RMND1: variants seen among roughly 807,000 people sequenced by gnomAD.
RMND1 encodes the protein required for meiotic nuclear division protein 1 homolog.
In RMND1, 41 loss-of-function variants were observed where a neutral mutation model predicts 54.0. That is an observed-to-expected ratio of 0.76 (90% CI 0.59 to 0.98). RMND1 has a LOEUF of 0.98. RMND1 is among the 50% of genes least tolerant of loss of function. The pLI, the probability that RMND1 is intolerant of heterozygous loss-of-function variation, is 0.00. For synonymous variants in RMND1, 183 were observed against 181.7 expected (o/e 1.01, Z -0.06); for missense variants, 457 against 532.0 (o/e 0.86, Z 1.39).
At chr6:151,408,269 C>T (rs890004903) in intron 10 of RMND1, among the ~76,000 whole-genome samples, 2 of 152,090 alleles carry the variant, frequency 1.3e-5, no homozygotes, top group Admixed American at 6.6e-5. Context: ...CCAAGGCAGG[C>T]GGATCACTTG....
intron 2 of RMND1, among the ~76,000 whole-genome samples, chr6:151,438,840 C>T (rs2114962190): frequency 6.6e-6 from 1 of 151,752 alleles, no homozygotes; most frequent in Non-Finnish European, 1.5e-5. Context: ...TTGGCAAGGC[C>T]CAATGACTCA....
rs1446239919 is a variant in RMND1 at position 151,433,211 on chromosome 6, CA to C, written c.632del (p.Val211GlyfsTer29). 14 of 1,611,652 alleles carry C rather than the reference CA, an allele frequency of 8.7e-6. No homozygotes were observed. The highest frequency in any genetic ancestry group is 1.2e-5 in the Non-Finnish European group (14 of 1,178,720). On this transcript the variant is annotated frameshift_variant, in exon 4 of 12. Transcript: ENST00000444024. LOFTEE classifies it high-confidence loss of function. ...CTTTTGCAGAATTTTCCACACCCATCACCAAAATATTTGCTGCATCTGTGAT... is the reference window on the plus strand; with the variant it reads ...CTTTTGCAGAATTTTCCACACCCATCCCAAAATATTTGCTGCATCTGTGAT... ...SLPRDAANILVMGVENSAKEG... is the reference protein window; with the variant it reads ...SLPRDAANILXMGVENSAKEG...
intron 11 of RMND1, 113 bp downstream of exon 11, chr6:151,405,605 CAA>C: frequency 1.5e-6 from 1 of 646,918 alleles, no homozygotes; most frequent in Admixed American, 2.6e-5. Context: ...GTAATGATAA[CAA>C]AGTCAGCCTC....
chr6:151,439,702 C>G (rs1780715369), intron 2 of RMND1, among the ~76,000 whole-genome samples: 1 of 152,148 alleles, frequency 6.6e-6, no homozygotes, highest in African/African-American at 2.4e-5. Context: ...TCTTGTTGCC[C>G]AGGCTGGAGT....
chr6:151,446,509 C>T (rs1379659716), intron 1 of RMND1, among the ~76,000 whole-genome samples: 1 of 151,922 alleles, frequency 6.6e-6, no homozygotes, highest in Non-Finnish European at 1.5e-5. Context: ...TGGGGCTGGG[C>T]ATGGGAGTGC....
intron 4 of RMND1, 59 bp downstream of exon 4, chr6:151,433,096 G>T: frequency 1.9e-6 from 2 of 1,038,512 alleles, no homozygotes; most frequent in South Asian, 1.4e-5. Flanking sequence ...CACCTTTAAA[G>T]ACCACAATTA....
intron 1 of RMND1, among the ~76,000 whole-genome samples, chr6:151,447,181 A>G (rs1036523909): frequency 6.6e-6 from 1 of 152,210 alleles, no homozygotes; most frequent in African/African-American, 2.4e-5. Context: ...TCGGGGAGGT[A>G]GGAGTGAGCT....
At chr6:151,438,438 T>C (rs763646196) in intron 2 of RMND1, among the ~76,000 whole-genome samples, 13 of 152,210 alleles carry the variant, frequency 8.5e-5, no homozygotes, top group Non-Finnish European at 1.6e-4. Flanking sequence ...GGTCACAAGC[T>C]AGTCCACTGA....
At chr6:151,414,744 CAG>C (rs1457590334) in intron 10 of RMND1, among the ~76,000 whole-genome samples, 1 of 152,030 alleles carries the variant, frequency 6.6e-6, no homozygotes, top group Non-Finnish European at 1.5e-5. Flanking sequence ...CCAATCTTAA[CAG>C]AGACAAAATA....
rs1781224801 is a variant in RMND1, at chr6:151,452,114, C to T, written c.-113G>A. Reference sequence around the variant, plus strand: ...ACCCCCAGCCTCTCACTACTGCAGCCAACCCATCTCCTGGAAGGGCGCTCC... The same window carrying T: ...ACCCCCAGCCTCTCACTACTGCAGCTAACCCATCTCCTGGAAGGGCGCTCC... On this transcript the variant is annotated 5_prime_UTR_variant, in exon 1 of 12. The change creates a premature stop within an existing upstream ORF in the 5' untranslated region. Coordinates refer to ENST00000444024, the MANE Select transcript of RMND1 (RefSeq NM_017909.4). 1 of 197,558 alleles carries T rather than the reference C, an allele frequency of 5.1e-6. No homozygotes were observed. The highest frequency in any genetic ancestry group is 1.1e-5 in the Non-Finnish European group (1 of 94,972). 12.2% of individuals were successfully genotyped at this position (197,558 alleles called of 1,614,324 possible).
At chr6:151,410,287 C>T (rs1291698440) in intron 10 of RMND1, among the ~76,000 whole-genome samples, 2 of 152,120 alleles carry the variant, frequency 1.3e-5, no homozygotes, top group Non-Finnish European at 2.9e-5. Context: ...GATCTCCTGA[C>T]CTTGTGATCC....
chr6:151,437,080 T>A (rs1248129235), intron 2 of RMND1, among the ~76,000 whole-genome samples: 2 of 152,378 alleles, frequency 1.3e-5, no homozygotes, highest in East Asian at 3.9e-4. Flanking sequence ...AGCATGTGTC[T>A]TGGTTTGGTT....
intron 1 of RMND1, among the ~76,000 whole-genome samples, chr6:151,450,065 C>G (rs934564803): frequency 6.6e-6 from 1 of 152,104 alleles, no homozygotes; most frequent in Non-Finnish European, 1.5e-5. Flanking sequence ...TCTGCCTGGC[C>G]CCCCATCGTC....
At chr6:151,442,900 G>C (rs1474003614) in intron 2 of RMND1, among the ~76,000 whole-genome samples, 1 of 152,106 alleles carries the variant, frequency 6.6e-6, no homozygotes, top group Non-Finnish European at 1.5e-5. Context: ...TATGATCTCT[G>C]AAAATGAGAC....
intron 2 of RMND1, among the ~76,000 whole-genome samples, chr6:151,440,699 T>C (rs1220857738): frequency 6.6e-6 from 1 of 152,264 alleles, no homozygotes; most frequent in East Asian, 1.9e-4. Context: ...GAGTCTTAGT[T>C]GTGGGTTTCT....
intron 2 of RMND1, among the ~76,000 whole-genome samples, chr6:151,441,841 CCT>C (rs1780784543): frequency 6.6e-6 from 1 of 152,070 alleles, no homozygotes. Context: ...AAAATGATTC[CCT>C]GAGTTCTGTG....
intron 10 of RMND1, among the ~76,000 whole-genome samples, chr6:151,415,039 TA>T (rs1427178553): frequency 7.0e-6 from 1 of 142,802 alleles, no homozygotes; most frequent in Non-Finnish European, 1.5e-5. Flanking sequence ...AATGGCTAAA[TA>T]AAGTTCTTGA....
chr6:151,420,539 A>G (rs1488966258), intron 9 of RMND1, among the ~76,000 whole-genome samples: 9 of 152,144 alleles, frequency 5.9e-5, no homozygotes, highest in Admixed American at 3.3e-4. Context: ...AAGAATAATA[A>G]AAGCTGAAAA....
intron 7 of RMND1, among the ~76,000 whole-genome samples, chr6:151,423,210 C>G (rs1052659472): frequency 1.3e-5 from 2 of 152,118 alleles, no homozygotes; most frequent in African/African-American, 4.8e-5. Flanking sequence ...CTGGGCTTCT[C>G]TGTCTGGATT....
Sources: allele counts gnomAD v4.1 joint callset (sites outside exome capture counted in the v4.1 genomes callset), GRCh38; gene constraint gnomAD v4.1.1; transcripts MANE v1.5; gene names NCBI Gene and HGNC (gene_info 2026-07-23, HGNC 2026-07-21).